Variants in KCNA2 observed in about 807,000 individuals in gnomAD.
KCNA2 encodes the protein potassium channel, voltage gated shaker related subfamily A, member 2.
Under a neutral mutation model 33.4 loss-of-function variants are expected in KCNA2, and 11 were observed. That is an observed-to-expected ratio of 0.33 (90% CI 0.21 to 0.55). KCNA2 has a LOEUF of 0.55. KCNA2 is among the 20% of genes least tolerant of loss of function. The pLI, the probability that KCNA2 is intolerant of heterozygous loss-of-function variation, is 0.93. For synonymous variants in KCNA2, 222 were observed against 231.3 expected (o/e 0.96, Z 0.37); for missense variants, 291 against 621.6 (o/e 0.47, Z 5.66).
chr1:110,606,894 C>G (rs1649666621), upstream of KCNA2: 1 of 152,416 alleles, frequency 6.6e-6, no homozygotes, highest in Admixed American at 6.5e-5. Flanking sequence ...CCGGCCGTCC[C>G]AAGTGGTTCA....
chr1:110,601,779 T>TAC lies in KCNA2; in HGVS notation c.*1503_*1504insGT. 1.2e-6 allele frequency: 1 copy of TAC among 868,094 alleles called. No homozygotes were observed. The highest frequency in any genetic ancestry group is 1.4e-6 in the Non-Finnish European group (1 of 701,948). 53.8% of individuals were successfully genotyped at this position (868,094 alleles called of 1,614,324 possible). A position where few individuals can be genotyped will look rare whatever the true frequency, so the allele number is the denominator to read the frequency against. ...CTGAACCTGAACTCCAGAAAATGAA[T>TAC]ATATATATATATATATGTGTGTGTG... On this transcript the variant is annotated 3_prime_UTR_variant, in exon 3 of 3. Coordinates refer to ENST00000316361, the MANE Select transcript of KCNA2 (RefSeq NM_004974.4).
Position 110,595,514 on chromosome 1 carries a change from G to A in KCNA2, c.*7769C>T, listed in dbSNP as rs748682476. 7.8e-5 allele frequency: 77 copies of A among 985,324 alleles called. No homozygotes were observed. Among genetic ancestry groups the A allele is most frequent in the Non-Finnish European group, 9.0e-5 (75 of 829,970 alleles). 61.0% of individuals were successfully genotyped at this position (985,324 alleles called of 1,614,324 possible). A position where few individuals can be genotyped will look rare whatever the true frequency, so the allele number is the denominator to read the frequency against. ...CACCACTTCAATTGCTCCAGATACA[G>A]TGAAAAATCCCTCCCACTCCCATCT... On this transcript the variant is annotated 3_prime_UTR_variant, in exon 3 of 3. Coordinates refer to ENST00000316361, the MANE Select transcript of KCNA2 (RefSeq NM_004974.4).
In KCNA2 at chr1:110,603,354, A is replaced by G. The variant is rs932711882; in HGVS notation, c.1429T>C (p.Leu477=). The change falls in exon 3 of 3, where the codon TTG becomes CTG. Residue 477 remains leucine (L), a synonymous_variant. Transcript: ENST00000316361. The surrounding 1 kb of genome is among the most constrained non-coding windows in gnomAD (Gnocchi z 5.7). ...GCCAAGGTACAGTTGGCTGTTTTCAAGTTTTCCTCTCTAAAGTCCTCATTA... is the reference window on the plus strand; with the variant it reads ...GCCAAGGTACAGTTGGCTGTTTTCAGGTTTTCCTCTCTAAAGTCCTCATTA... ...NSNEDFREEN[L]KTANCTLANT... 6.2e-7 allele frequency: 1 copy of G among 1,613,934 alleles called. No homozygotes were observed. The highest frequency in any genetic ancestry group is 2.2e-5 in the East Asian group (1 of 44,882).
chr1:110,624,803 C>G (rs947972448), intron 1 of KCNA2, among the ~76,000 whole-genome samples: 1 of 151,928 alleles, frequency 6.6e-6, no homozygotes, highest in African/African-American at 2.4e-5. Context: ...ATAACTTAAA[C>G]AAGAGTGAAT....
intron 1 of KCNA2, among the ~76,000 whole-genome samples, chr1:110,619,102 C>T (rs1456076617): frequency 1.3e-5 from 2 of 152,216 alleles, no homozygotes; most frequent in Non-Finnish European, 2.9e-5. Context: ...TTTCTGACTT[C>T]ATTTCCAACC....
chr1:110,618,242 G>A (rs1650133766), intron 1 of KCNA2, among the ~76,000 whole-genome samples: 1 of 152,172 alleles, frequency 6.6e-6, no homozygotes, highest in African/African-American at 2.4e-5. Context: ...AGCTACTTGG[G>A]AGCCTGAGGT....
chr1:110,620,982 AC>A (rs1310747067), intron 1 of KCNA2, among the ~76,000 whole-genome samples: 2 of 152,358 alleles, frequency 1.3e-5, no homozygotes, highest in Non-Finnish European at 2.9e-5. Context: ...AAGTAGAGTC[AC>A]TTGACATTCT....
At position 110,596,796 on chromosome 1, in the gene KCNA2, T is replaced by C; in HGVS notation, c.*6487A>G. On this transcript the variant is annotated 3_prime_UTR_variant, in exon 3 of 3. Transcript: ENST00000316361. ...ATCAGGATGTTCCTGTCCCTGAGGTTTCCCCATCAGTTAACTGAGGTTTTG... is the reference window on the plus strand; with the variant it reads ...ATCAGGATGTTCCTGTCCCTGAGGTCTCCCCATCAGTTAACTGAGGTTTTG... The C allele has an allele frequency of 1.0e-6, 1 of 985,468 alleles. No individual in the cohort carries two copies. The highest frequency in any genetic ancestry group is 1.7e-5 in the African/African-American group (1 of 57,374). 61.0% of individuals were successfully genotyped at this position (985,468 alleles called of 1,614,324 possible). A position where few individuals can be genotyped will look rare whatever the true frequency, so the allele number is the denominator to read the frequency against.
chr1:110,604,397 T>C lies in KCNA2; in HGVS notation c.386A>G (p.Asp129Gly). Residue 129 changes from aspartate to glycine, a missense_variant, in exon 3 of 3, where the codon GAT becomes GGT. This residue lies in a region of KCNA2 where 163 missense variants were observed against 273.5 expected (regional missense o/e 0.60). Coordinates refer to ENST00000316361, the MANE Select transcript of KCNA2 (RefSeq NM_004974.4). The surrounding 1 kb of genome is among the most constrained non-coding windows in gnomAD (Gnocchi z 7.6). ...GEEAMEMFRE[D>G]EGYIKEEERP... ...CTCTTCCTCCTTGATGTAGCCTTCA[T>C]CTTCCCGAAACATCTCCATCGCTTC... 6.2e-7 allele frequency: 1 copy of C among 1,614,150 alleles called. No homozygotes were observed. The highest frequency in any genetic ancestry group is 8.5e-7 in the Non-Finnish European group (1 of 1,180,032).
intron 1 of KCNA2, among the ~76,000 whole-genome samples, chr1:110,626,334 GA>G (rs544648288): frequency 1.3e-5 from 2 of 151,536 alleles, no homozygotes; most frequent in Admixed American, 6.6e-5. Flanking sequence ...ATTATAAAGT[GA>G]AAAAAAAGCA....
rs1649342719 is a variant in KCNA2, at chr1:110,601,515, G to C, written c.*1768C>G. The C allele has an allele frequency of 1.0e-6, 1 of 986,220 alleles. No homozygotes were observed. Among genetic ancestry groups the C allele is most frequent in the East Asian group, 1.1e-4 (1 of 8,854 alleles). 61.1% of individuals were successfully genotyped at this position (986,220 alleles called of 1,614,324 possible). On this transcript the variant is annotated 3_prime_UTR_variant, in exon 3 of 3. Transcript: ENST00000316361. ...GAGGCCCGGGGTGGGTCTGGCCCAG[G>C]ACAGCTGGAACTGTGAGGGCCACAG...
chr1:110,619,440 A>G (rs1650175594), intron 1 of KCNA2, among the ~76,000 whole-genome samples: 3 of 152,180 alleles, frequency 2.0e-5, no homozygotes, highest in Non-Finnish European at 4.4e-5. Context: ...GTTCTTTGTA[A>G]AGGAGGCCCC....
At position 110,595,374 on chromosome 1, in the gene KCNA2, C is replaced by T. The variant is rs931505997; in HGVS notation, c.*7909G>A. On this transcript the variant is annotated 3_prime_UTR_variant, in exon 3 of 3. Coordinates refer to ENST00000316361, the MANE Select transcript of KCNA2 (RefSeq NM_004974.4). Reference sequence around the variant, plus strand: ...TCCAGACAGGCCACCTCAACTGCCTCAGTGCACCAGCTGGTCATGTCAAGT... The same window carrying T: ...TCCAGACAGGCCACCTCAACTGCCTTAGTGCACCAGCTGGTCATGTCAAGT... The T allele has an allele frequency of 8.1e-6, 8 of 985,308 alleles. No homozygotes were observed. Among genetic ancestry groups the T allele is most frequent in the South Asian group, 9.4e-5 (2 of 21,292 alleles). 61.0% of individuals were successfully genotyped at this position (985,308 alleles called of 1,614,324 possible).
chr1:110,612,753 C>T (rs1023734000), intron 1 of KCNA2, among the ~76,000 whole-genome samples: 1 of 152,222 alleles, frequency 6.6e-6, no homozygotes, highest in South Asian at 2.1e-4. Flanking sequence ...TCCTAAAAAG[C>T]GAGCAAAGCC....
chr1:110,601,790 ATATATGTGTGTGTGTGTG>A lies in KCNA2; in HGVS notation c.*1475_*1492del. 1 of 1,162,266 alleles carries A rather than the reference ATATATGTGTGTGTGTGTG, an allele frequency of 8.6e-7. No homozygotes were observed. Among genetic ancestry groups the A allele is most frequent in the Non-Finnish European group, 1.1e-6 (1 of 951,464 alleles). 72.0% of individuals were successfully genotyped at this position (1,162,266 alleles called of 1,614,324 possible). On this transcript the variant is annotated 3_prime_UTR_variant, in exon 3 of 3. Coordinates refer to ENST00000316361, the MANE Select transcript of KCNA2 (RefSeq NM_004974.4). ...CTCCAGAAAATGAATATATATATAT[ATATATGTGTGTGTGTGTG>A]TGTGTGTGTGTGTGTGTGTGTATAC...
rs1281069922 is a variant in KCNA2 at position 110,602,126 on chromosome 1, C to A, written c.*1157G>T. 3.9e-6 allele frequency: 6 copies of A among 1,550,410 alleles called. No individual in the cohort carries two copies. In the Admixed American group the frequency reaches 1.2e-4, roughly 30 times the overall value. ...TGCAGTCATGTGAGGTGTTCAGATG[C>A]TGCCTTCCCCGCTTACTCTTCTGGC... On this transcript the variant is annotated 3_prime_UTR_variant, in exon 3 of 3. Transcript: ENST00000316361.
chr1:110,598,024 T>C lies in KCNA2; in HGVS notation c.*5259A>G. The stretch of plus-strand genomic sequence containing the variant: ...GGGCTAAGTCTGAAGATATAGATGA[T>C]GGTCACAATAGCTACTGAGAGAGCT... On this transcript the variant is annotated 3_prime_UTR_variant, in exon 3 of 3. Transcript: ENST00000316361. 1.0e-6 allele frequency: 1 copy of C among 985,396 alleles called. No homozygotes were observed. The highest frequency in any genetic ancestry group is 4.7e-5 in the South Asian group (1 of 21,276). The allele number at this position is 985,396 out of a possible 1,614,324, so 61.0% of individuals were successfully genotyped here.
chr1:110,607,471 G>A (rs1328442291), upstream of KCNA2: 1 of 152,142 alleles, frequency 6.6e-6, no homozygotes, highest in Admixed American at 6.5e-5. Flanking sequence ...GGGGCCGGCG[G>A]GGGCCGGGGC....
chr1:110,627,678 A>G (rs974564480), intron 1 of KCNA2, among the ~76,000 whole-genome samples: 4 of 152,188 alleles, frequency 2.6e-5, no homozygotes, highest in Non-Finnish European at 4.4e-5. Context: ...ACAAAAAGGA[A>G]GAAGGAATCT....
Sources: allele counts gnomAD v4.1 joint callset (sites outside exome capture counted in the v4.1 genomes callset), GRCh38; gene constraint gnomAD v4.1.1; regional missense constraint gnomAD v4.1.1; non-coding constraint Gnocchi (gnomAD v3.1); transcripts MANE v1.5; gene names NCBI Gene and HGNC (gene_info 2026-07-23, HGNC 2026-07-21).